Variants in DGKH observed in about 807,000 individuals in gnomAD.
DGKH encodes the protein diacylglycerol kinase eta, also known as DAG kinase eta.
Under a neutral mutation model 159.3 loss-of-function variants are expected in DGKH, and 90 were observed. The ratio of observed to expected loss-of-function variants is 0.57; its 90% CI spans 0.48 to 0.67. The LOEUF (loss-of-function observed/expected upper bound fraction) is 0.67. DGKH is among the 30% of genes least tolerant of loss of function. The probability of loss-of-function intolerance (pLI) is 0.00; values close to 1 mark genes in which losing one functional copy is unlikely to be tolerated. For synonymous variants in DGKH, 536 were observed against 553.8 expected (o/e 0.97, Z 0.45); for missense variants, 1,181 against 1,506.1 (o/e 0.78, Z 3.57).
At chr13:42,051,577 T>C (rs1290929634) in intron 1 of DGKH, among the ~76,000 whole-genome samples, 1 of 151,010 alleles carries the variant, frequency 6.6e-6, no homozygotes, top group African/African-American at 2.4e-5. Flanking sequence ...ACTTTCTGTG[T>C]CTCCGCACAG....
chr13:42,197,267 A>AAAAAG (rs922365530), intron 17 of DGKH, among the ~76,000 whole-genome samples: 3 of 135,402 alleles, frequency 2.2e-5, no homozygotes, highest in Admixed American at 8.8e-5. Flanking sequence ...AAAAAAAAAA[A>AAAAAG]AAAGAAAGAA....
intron 20 of DGKH, among the ~76,000 whole-genome samples, chr13:42,204,787 A>C (rs1357915480): frequency 1.3e-5 from 2 of 152,130 alleles, no homozygotes; most frequent in Non-Finnish European, 2.9e-5. Flanking sequence ...TCAGAACCTC[A>C]CTACTGAATA....
At chr13:42,040,324 C>G (rs573252694) in intron 1 of DGKH, among the ~76,000 whole-genome samples, 23 of 152,236 alleles carry the variant, frequency 1.5e-4, no homozygotes, top group South Asian at 1.2e-3. Context: ...CAGCCTAGCC[C>G]AGCCCAGCCC....
At chr13:42,138,536 G>A (rs545919989) in intron 3 of DGKH, among the ~76,000 whole-genome samples, 31 of 152,312 alleles carry the variant, frequency 2.0e-4, no homozygotes, top group Non-Finnish European at 4.4e-4. Flanking sequence ...GAATGAATTA[G>A]TGACATTTGT....
At chr13:42,181,847 C>G (rs1461582256) in intron 13 of DGKH, 37 of 111,644 alleles carry the variant, frequency 3.3e-4, no homozygotes, top group South Asian at 8.2e-4. Flanking sequence ...GTGCTGGCAG[C>G]TGAGCTGCTG....
intron 2 of DGKH, 147 bp from the exon 3 acceptor site, chr13:42,129,405 C>T: frequency 1.5e-6 from 1 of 645,356 alleles, no homozygotes; most frequent in Non-Finnish European, 2.6e-6. Context: ...TTTATTTTTC[C>T]TTTCTAGGAA....
In DGKH at chr13:42,233,762, A is replaced by G. The variant is rs1040926600; in HGVS notation, c.*4574A>G. The G allele has an allele frequency of 3.3e-5, 5 of 152,214 alleles. No individual in the cohort carries two copies. In the South Asian group the frequency reaches 8.3e-4, roughly 25 times the overall value. The allele number at this position is 152,214 out of a possible 1,614,324, so 9.4% of individuals were successfully genotyped here. On this transcript the variant is annotated 3_prime_UTR_variant, in exon 30 of 30. Transcript: ENST00000337343. Reference sequence around the variant, plus strand: ...CAGTTTGTTGACATGTGGCATGTTCATTTGTTCACAACTTAATCACGGGGG... The same window carrying G: ...CAGTTTGTTGACATGTGGCATGTTCGTTTGTTCACAACTTAATCACGGGGG...
intron 29 of DGKH, among the ~76,000 whole-genome samples, chr13:42,249,106 G>A (rs116083299): frequency 2.6e-5 from 4 of 152,116 alleles, no homozygotes; most frequent in African/African-American, 9.7e-5. Context: ...GGGCACAGTG[G>A]CTCATGCCTG....
At chr13:42,165,050 C>T (rs973238024) in intron 7 of DGKH, among the ~76,000 whole-genome samples, 3 of 152,002 alleles carry the variant, frequency 2.0e-5, no homozygotes, top group African/African-American at 7.2e-5. Flanking sequence ...TGCACTTGGT[C>T]TCTTCTCTTT....
At chr13:42,139,767 T>TA (rs1005049505) in intron 3 of DGKH, among the ~76,000 whole-genome samples, 7 of 152,074 alleles carry the variant, frequency 4.6e-5, no homozygotes, top group Non-Finnish European at 8.8e-5. Flanking sequence ...CAGTGCTAAA[T>TA]AAAAAAAATT....
chr13:42,065,950 T>A (rs1056524222), intron 1 of DGKH: 4 of 152,196 alleles, frequency 2.6e-5, no homozygotes, highest in African/African-American at 9.7e-5. Flanking sequence ...CAGGCTGGAG[T>A]GCGGTGGTGT....
At chr13:42,041,414 C>T (rs1039755032) in intron 1 of DGKH, among the ~76,000 whole-genome samples, 1 of 152,182 alleles carries the variant, frequency 6.6e-6, no homozygotes, top group Non-Finnish European at 1.5e-5. Context: ...TCCTGCCAGC[C>T]GCTAAAGCTT....
rs1958456328 is a variant in DGKH, at chr13:42,238,242, A to C, written c.*9054A>C. On this transcript the variant is annotated 3_prime_UTR_variant, in exon 30 of 30. Transcript: ENST00000337343. ...ATAAAGATAGACTTCCCAGACAGTG[A>C]GGTTAGAAATTAGAAGTTCAAATTG... 6.6e-6 allele frequency: 1 copy of C among 152,218 alleles called. No homozygotes were observed. Among genetic ancestry groups the C allele is most frequent in the Non-Finnish European group, 1.5e-5 (1 of 68,022 alleles). 9.4% of individuals were successfully genotyped at this position (152,218 alleles called of 1,614,324 possible). A position where few individuals can be genotyped will look rare whatever the true frequency, so the allele number is the denominator to read the frequency against.
Position 42,232,772 on chromosome 13 carries a change from C to T in DGKH, c.*3584C>T, listed in dbSNP as rs886730484. 1 of 152,058 alleles carries T rather than the reference C, an allele frequency of 6.6e-6. No individual in the cohort carries two copies. The highest frequency in any genetic ancestry group is 2.1e-4 in the South Asian group (1 of 4,832). The allele number at this position is 152,058 out of a possible 1,614,324, so 9.4% of individuals were successfully genotyped here. On this transcript the variant is annotated 3_prime_UTR_variant, in exon 30 of 30. Transcript: ENST00000337343. Reference sequence around the variant, plus strand: ...ATTGTTCTTGCTGACAAGAAATGACCCATGAATGTCTAGATCTATCCTGTC... The same window carrying T: ...ATTGTTCTTGCTGACAAGAAATGACTCATGAATGTCTAGATCTATCCTGTC...
At position 42,074,041 on chromosome 13, in the gene DGKH, A is replaced by G. The variant is rs553308314; in HGVS notation, c.192+25076A>G. 2.1e-4 allele frequency among the ~76,000 whole-genome samples: 32 copies of G among 152,360 alleles called. 1 individual carries two copies. Among genetic ancestry groups the G allele is most frequent in the African/African-American group, 7.7e-4 (32 of 41,582 alleles). ...TGTTAGACTGTCTACAACAGGAAAG[A>G]TGAACTAGAAAATTTACTGAGTTGT... On this transcript the variant is annotated intron_variant, in intron 1 of 29. Transcript: ENST00000337343.
At chr13:42,107,580 A>G (rs1331740811) in intron 1 of DGKH, among the ~76,000 whole-genome samples, 1 of 152,204 alleles carries the variant, frequency 6.6e-6, no homozygotes. Flanking sequence ...ACAGGGGGCT[A>G]GTTCAGTGTA....
Position 42,148,420 on chromosome 13 carries a change from A to G in DGKH, c.385-6871A>G, listed in dbSNP as rs149169818. ...GTCCCATGAATTCTACCTCCTAAAAATCTATGGAATCCTTTTTTATCTCTG... is the reference window on the plus strand; with the variant it reads ...GTCCCATGAATTCTACCTCCTAAAAGTCTATGGAATCCTTTTTTATCTCTG... On this transcript the variant is annotated intron_variant, in intron 3 of 29. Transcript: ENST00000337343. 3.0e-3 allele frequency among the ~76,000 whole-genome samples: 462 copies of G among 152,208 alleles called. 2 individuals are homozygous for G. Among genetic ancestry groups the G allele is most frequent in the Non-Finnish European group, 5.0e-3 (338 of 68,014 alleles).
At chr13:42,097,273 G>A (rs1954557864) in intron 1 of DGKH, among the ~76,000 whole-genome samples, 9 of 151,922 alleles carry the variant, frequency 5.9e-5, no homozygotes. Flanking sequence ...TTAGATGTTG[G>A]ACCTCTTCCA....
chr13:42,252,722 C>A (rs898945375), intron 30 of DGKH, among the ~76,000 whole-genome samples: 1 of 151,922 alleles, frequency 6.6e-6, no homozygotes, highest in East Asian at 1.9e-4. Context: ...GCAACTGAGT[C>A]GGTTGGGGAA....
Sources: allele counts gnomAD v4.1 joint callset (sites outside exome capture counted in the v4.1 genomes callset), GRCh38; gene constraint gnomAD v4.1.1; transcripts MANE v1.5; gene names NCBI Gene and HGNC (gene_info 2026-07-23, HGNC 2026-07-21).